The following POLE variants were observed in gnomAD, a reference collection of about 807,000 sequenced individuals.
POLE encodes the protein DNA polymerase epsilon, catalytic subunit.
In POLE, 188 loss-of-function variants were observed where a neutral mutation model predicts 279.2. The ratio of observed to expected loss-of-function variants is 0.67; its 90% CI spans 0.60 to 0.76. The LOEUF is 0.76. POLE is among the 30% of genes least tolerant of loss of function. POLE has a pLI of 0.00. For synonymous variants in POLE, 1,214 were observed against 1,172.5 expected, an observed-to-expected ratio of 1.04 and a Z score of -0.72; for missense variants, 2,703 against 3,016.7, an observed-to-expected ratio of 0.90 and a Z score of 2.44.
chr12:132,625,489 T>A (rs1210340130), intron 47 of POLE, 156 bp downstream of exon 47: 3 of 942,844 alleles, frequency 3.2e-6, no homozygotes, highest in African/African-American at 3.2e-5. Flanking sequence ...GACAGAACAG[T>A]CCATCAGGCT....
Position 132,677,430 on chromosome 12 carries a change from T to C in POLE, c.734A>G (p.Asn245Ser), listed in dbSNP as rs761812569. Residue 245 changes from asparagine to serine, a missense_variant, in exon 8 of 49, where the codon AAT (asparagine) becomes AGT (serine). Coordinates refer to ENST00000320574, the MANE Select transcript of POLE (RefSeq NM_006231.4). ...DLKIHVAHWY[N>S]VRYRGNAFPV... The stretch of plus-strand genomic sequence containing the variant: ...AAAAGCATTTCCTCGGTATCTGACA[T>C]TGTACCAATGAGCCTGCAAAACACA... The C allele has an allele frequency of 2.5e-6, 4 of 1,614,024 alleles. No homozygotes were observed. The highest frequency in any genetic ancestry group is 3.4e-6 in the Non-Finnish European group (4 of 1,179,888).
Position 132,675,657 on chromosome 12 carries a change from T to C in POLE, c.1106+78A>G. ...CCAGGAGCCACCTCCTAAGTCGACA[T>C]GGGAAGCGCCCCTGCACCACGCAAC... On this transcript the variant is annotated intron_variant, in intron 11 of 48. Transcript: ENST00000320574. The surrounding 1 kb of genome is among the most constrained non-coding windows in gnomAD (Gnocchi z 4.3). 1 of 1,563,726 alleles carries C rather than the reference T, an allele frequency of 6.4e-7. No homozygotes were observed. Among genetic ancestry groups the C allele is most frequent in the East Asian group, 2.2e-5 (1 of 44,530 alleles).
At chr12:132,630,470 C>G (rs183134526) in intron 45 of POLE, among the ~76,000 whole-genome samples, 1 of 152,196 alleles carries the variant, frequency 6.6e-6, no homozygotes, top group Non-Finnish European at 1.5e-5. Context: ...TGCCCCACAG[C>G]CAGGCGTGGT....
intron 20 of POLE, 29 bp downstream of exon 20, chr12:132,667,474 G>A (rs367723175): frequency 6.8e-6 from 11 of 1,611,370 alleles, no homozygotes; most frequent in African/African-American, 4.0e-5. Flanking sequence ...CCTCACAGAG[G>A]CCAAAGCTTG....
At chr12:132,642,039 A>T in intron 38 of POLE, 138 bp downstream of exon 38, 1 of 949,682 alleles carries the variant, frequency 1.1e-6, no homozygotes, top group Non-Finnish European at 1.6e-6. Context: ...TGACCCCAGG[A>T]CCGTCTCCTG....
intron 32 of POLE, among the ~76,000 whole-genome samples, chr12:132,644,323 CTTTTTTTTTTTTTTTT>C (rs57257940): frequency 9.3e-6 from 1 of 107,708 alleles, no homozygotes; most frequent in Non-Finnish European, 1.9e-5. Flanking sequence ...CCACGGATGG[CTTTTTTTTTTTTTTTT>C]TTTTTTTGTA....
Position 132,634,261 on chromosome 12 carries a change from C to G in POLE, c.5929G>C (p.Glu1977Gln), listed in dbSNP as rs769167837. ...AACTGCAAAATGTTCCAGTTGTTTT[C>G]CAGTAAATCCTCCACGTTGGATTCC... ...AEESNVEDLL[E>Q]NNWNILQFLP... The change falls in exon 43 of 49, where the codon GAA (glutamate) becomes CAA (glutamine). Residue 1977 changes from glutamate to glutamine, a missense_variant. Coordinates refer to ENST00000320574, the MANE Select transcript of POLE (RefSeq NM_006231.4). The surrounding 1 kb of genome is among the most constrained non-coding windows in gnomAD (Gnocchi z 4.0). 1.2e-6 allele frequency: 2 copies of G among 1,614,200 alleles called. No homozygotes were observed. The highest frequency in any genetic ancestry group is 1.7e-6 in the Non-Finnish European group (2 of 1,180,010).
chr12:132,632,834 C>G, intron 43 of POLE, 39 bp from the exon 44 acceptor site: 1 of 1,555,364 alleles, frequency 6.4e-7, no homozygotes, highest in Non-Finnish European at 8.7e-7. Context: ...CTGAGTCGGG[C>G]TGCTGCAAAC....
chr12:132,642,794 C>T (rs1371705220), intron 36 of POLE, 26 bp downstream of exon 36: 1 of 1,613,540 alleles, frequency 6.2e-7, no homozygotes, highest in Middle Eastern at 1.7e-4. Context: ...ATGGGGCTCA[C>T]ACAGCAAGAC....
rs1309659065 is a variant in POLE, at chr12:132,634,106, G to A, written c.6004+80C>T. 13 of 1,286,208 alleles carry A rather than the reference G, an allele frequency of 1.0e-5. No individual in the cohort carries two copies. Among genetic ancestry groups the A allele is most frequent in the East Asian group, 7.1e-5 (3 of 42,032 alleles). 79.7% of individuals were successfully genotyped at this position (1,286,208 alleles called of 1,614,324 possible). On this transcript the variant is annotated intron_variant, in intron 43 of 48. Transcript: ENST00000320574. The surrounding 1 kb of genome is among the most constrained non-coding windows in gnomAD (Gnocchi z 4.0). ...TGATTTTCCCTGTCTCCCTTCTTGC[G>A]ATACCATGGCACAGGAGCCACATCT...
At chr12:132,654,476 A>G (rs1446824474) in intron 29 of POLE, among the ~76,000 whole-genome samples, 2 of 152,152 alleles carry the variant, frequency 1.3e-5, no homozygotes, top group Non-Finnish European at 2.9e-5. Flanking sequence ...CGTTCCATCT[A>G]TGTTTTCCAA....
chr12:132,668,206 G>T lies in POLE; in HGVS notation c.2173+150C>A. On this transcript the variant is annotated intron_variant, in intron 19 of 48. Coordinates refer to ENST00000320574, the MANE Select transcript of POLE (RefSeq NM_006231.4). The surrounding 1 kb of genome is among the most constrained non-coding windows in gnomAD (Gnocchi z 4.0). ...GCAAATAAAGGACCCTGCAGTGAGA[G>T]CACAGCTTACAGTGACCTAGAGCAG... is the stretch of plus-strand genomic sequence containing the variant. The T allele has an allele frequency of 1.2e-6, 1 of 812,372 alleles. No homozygotes were observed. The highest frequency in any genetic ancestry group is 1.9e-6 in the Non-Finnish European group (1 of 540,196). The allele number at this position is 812,372 out of a possible 1,614,324, so 50.3% of individuals were successfully genotyped here.
rs1055426108 is a variant in POLE at position 132,624,525 on chromosome 12, G to A, written c.*172C>T. Reference sequence around the variant, plus strand: ...TCCTGCTCCCGCTCCCTCCTGTGACGTCTGAGCTCCCTGAAAATGGTTTTC... The same window carrying A: ...TCCTGCTCCCGCTCCCTCCTGTGACATCTGAGCTCCCTGAAAATGGTTTTC... On this transcript the variant is annotated 3_prime_UTR_variant, in exon 49 of 49. Transcript: ENST00000320574. 29 of 626,026 alleles carry A rather than the reference G, an allele frequency of 4.6e-5. No individual in the cohort carries two copies. The highest frequency in any genetic ancestry group is 9.1e-5 in the African/African-American group (5 of 54,954). 38.8% of individuals were successfully genotyped at this position (626,026 alleles called of 1,614,324 possible). A position where few individuals can be genotyped will look rare whatever the true frequency, so the allele number is the denominator to read the frequency against.
intron 2 of POLE, chr12:132,680,937 C>A (rs1178435884): frequency 6.2e-6 from 4 of 642,956 alleles, no homozygotes; most frequent in African/African-American, 1.8e-5. Flanking sequence ...AAAGAGATGC[C>A]CATCACCTCC....
intron 16 of POLE, among the ~76,000 whole-genome samples, chr12:132,670,338 T>C (rs2042896039): frequency 6.6e-6 from 1 of 150,944 alleles, no homozygotes; most frequent in Admixed American, 6.6e-5. Flanking sequence ...ATCATGCCAT[T>C]GCACTCCAGC....
rs376828693 is a variant in POLE at position 132,642,496 on chromosome 12, C to T, written c.4952+10G>A. On this transcript the variant is annotated intron_variant, in intron 37 of 48. Transcript: ENST00000320574. ...GGACCACTGGCCCACAACGACAGTACTGTGCTCACCTGCTCATCTCGAAGG... is the reference window on the plus strand; with the variant it reads ...GGACCACTGGCCCACAACGACAGTATTGTGCTCACCTGCTCATCTCGAAGG... 41 of 1,612,698 alleles carry T rather than the reference C, an allele frequency of 2.5e-5. No individual in the cohort carries two copies. The African/African-American group carries it at 4.8e-4, about 19-fold the overall frequency.
intron 32 of POLE, among the ~76,000 whole-genome samples, chr12:132,646,891 G>T (rs1315899189): frequency 6.6e-6 from 1 of 152,026 alleles, no homozygotes; most frequent in African/African-American, 2.4e-5. Context: ...TAGAGAAGGG[G>T]TTTTGCCACG....
Position 132,668,115 on chromosome 12 carries a change from G to C in POLE, c.2173+241C>G, listed in dbSNP as rs2042837368. On this transcript the variant is annotated intron_variant, in intron 19 of 48. Transcript: ENST00000320574. The surrounding 1 kb of genome is among the most constrained non-coding windows in gnomAD (Gnocchi z 4.0). ...AAAAGAAAGAAATAGGACAGCCCAG[G>C]GGTAGGAACAGGCCAAATACCCCAA... 6.6e-6 allele frequency among the ~76,000 whole-genome samples: 1 copy of C among 152,032 alleles called. No homozygotes were observed. The highest frequency in any genetic ancestry group is 2.4e-5 in the African/African-American group (1 of 41,414).
Position 132,673,682 on chromosome 12 carries a change from G to A in POLE, c.1252C>T (p.Pro418Ser), listed in dbSNP as rs1555228651. 6.2e-7 allele frequency: 1 copy of A among 1,613,942 alleles called. No homozygotes were observed. Among genetic ancestry groups the A allele is most frequent in the Non-Finnish European group, 8.5e-7 (1 of 1,179,990 alleles). Residue 418 changes from proline to serine, a missense_variant, in exon 13 of 49, where the codon CCT becomes TCT. Pro to Ser is a moderately conservative substitution (Grantham distance 74, BLOSUM62 -1). Coordinates refer to ENST00000320574, the MANE Select transcript of POLE (RefSeq NM_006231.4). Reference sequence around the variant, plus strand: ...GCCTTGAGATTATGACTGCCCACAGGAAGGTAACTGTCCCTCTTCACCCAC... The same window carrying A: ...GCCTTGAGATTATGACTGCCCACAGAAAGGTAACTGTCCCTCTTCACCCAC... Reference protein sequence around the residue: ...LRWVKRDSYLPVGSHNLKAAA... With the variant: ...LRWVKRDSYLSVGSHNLKAAA...
Sources: allele counts gnomAD v4.1 joint callset (sites outside exome capture counted in the v4.1 genomes callset), GRCh38; gene constraint gnomAD v4.1.1; non-coding constraint Gnocchi (gnomAD v3.1); transcripts MANE v1.5; gene names NCBI Gene and HGNC (gene_info 2026-07-23, HGNC 2026-07-21).